LYPD5: variants seen among roughly 807,000 people sequenced by gnomAD.
LYPD5 encodes ly6/PLAUR domain-containing protein 5.
In LYPD5, 21 loss-of-function variants were observed where a neutral mutation model predicts 19.1. The ratio of observed to expected loss-of-function variants is 1.10; its 90% CI spans 0.78 to 1.58. LYPD5 has a LOEUF of 1.58. Ranked by LOEUF, LYPD5 falls within the 40% of genes most tolerant of loss-of-function variation. The pLI is 0.00. For synonymous variants in LYPD5, 128 were observed against 142.7 expected, an observed-to-expected ratio of 0.90 and a Z score of 0.74; for missense variants, 287 against 329.8, an observed-to-expected ratio of 0.87 and a Z score of 1.00.
At chr19:43,804,791 G>A (rs1473393355), upstream of LYPD5, among the ~76,000 whole-genome samples, 2 of 152,190 alleles carry the variant, frequency 1.3e-5, no homozygotes, top group Non-Finnish European at 2.9e-5. Flanking sequence ...TCTCTGGAGA[G>A]TGGAGTCTGG....
intron 1 of LYPD5, among the ~76,000 whole-genome samples, chr19:43,809,694 G>T (rs1185442851): frequency 6.6e-6 from 1 of 152,162 alleles, no homozygotes; most frequent in Non-Finnish European, 1.5e-5. Context: ...GCCTGGCCAG[G>T]ACTTGTAGAT....
At chr19:43,815,827 T>A (rs887634278) in intron 1 of LYPD5, 6 of 343,606 alleles carry the variant, frequency 1.7e-5, no homozygotes, top group African/African-American at 8.7e-5. Flanking sequence ...AACCTCTGCT[T>A]CCCGACTTCA....
At chr19:43,802,207 A>AGACCCAGGAGTCCAGGACCCCAG (rs1290801318) in intron 1 of LYPD5, 110 bp downstream of exon 1, 1 of 635,786 alleles carries the variant, frequency 1.6e-6, no homozygotes, top group Non-Finnish European at 2.5e-6. Flanking sequence ...CAGGCCCCCA[A>AGACCCAGGAGTCCAGGACCCCAG]CCCCTCCTCC....
At chr19:43,816,288 C>T (rs1430049449) in intron 1 of LYPD5, among the ~76,000 whole-genome samples, 1 of 152,186 alleles carries the variant, frequency 6.6e-6, no homozygotes, top group East Asian at 1.9e-4. Flanking sequence ...CTTTCTGTCA[C>T]TCATTTGCAT....
At chr19:43,815,431 G>A (rs1228078429) in intron 1 of LYPD5, among the ~76,000 whole-genome samples, 5 of 151,918 alleles carry the variant, frequency 3.3e-5, no homozygotes, top group Admixed American at 3.3e-4. Context: ...AAAACTAGCT[G>A]TGCACGGTGG....
chr19:43,820,582 C>G (rs1459496246), exon 1 of LYPD5: 2 of 152,398 alleles, frequency 1.3e-5, no homozygotes, highest in Non-Finnish European at 2.9e-5. Context: ...GCCCTCTGCG[C>G]CTCGCCCTGC....
chr19:43,799,466 A>G (rs530029675), intron 2 of LYPD5, among the ~76,000 whole-genome samples: 1 of 152,194 alleles, frequency 6.6e-6, no homozygotes, highest in South Asian at 2.1e-4. Context: ...GCTGGTCTCA[A>G]ACTTCTGACC....
chr19:43,809,165 G>A (rs55714090), intron 1 of LYPD5, among the ~76,000 whole-genome samples: 12,874 of 142,360 alleles, frequency 0.09, 593 homozygotes, highest in Middle Eastern at 0.14. Context: ...TCAGCCTCCC[G>A]AGTAGCTGGG....
intron 2 of LYPD5, 46 bp downstream of exon 2, chr19:43,799,660 T>C (rs376561592): frequency 6.4e-7 from 1 of 1,569,882 alleles, no homozygotes; most frequent in East Asian, 2.3e-5. Context: ...TCCCCCCTTT[T>C]TCCTCCCTAA....
intron 2 of LYPD5, 142 bp downstream of exon 2, chr19:43,799,564 T>C (rs1970193522): frequency 2.1e-6 from 2 of 975,068 alleles, no homozygotes; most frequent in Non-Finnish European, 3.0e-6. Context: ...TTTCTTTTTC[T>C]TCCTCCTCTT....
At chr19:43,801,194 T>C (rs1970219658) in intron 1 of LYPD5, among the ~76,000 whole-genome samples, 1 of 152,020 alleles carries the variant, frequency 6.6e-6, no homozygotes, top group Non-Finnish European at 1.5e-5. Flanking sequence ...TACACCTTAG[T>C]GTGGGCAACA....
At chr19:43,814,731 C>A (rs921951939) in intron 1 of LYPD5, among the ~76,000 whole-genome samples, 12 of 152,164 alleles carry the variant, frequency 7.9e-5, no homozygotes, top group African/African-American at 2.9e-4. Context: ...ATTAAAGGAA[C>A]AACATAGCTG....
rs760239981 is a variant in LYPD5, at chr19:43,799,799, T to C, written c.100A>G (p.Thr34Ala). 2.5e-6 allele frequency: 4 copies of C among 1,613,684 alleles called. No individual in the cohort carries two copies. In the South Asian group the frequency reaches 3.3e-5, roughly 13 times the overall value. ...QALQCYSFEH[T>A]YFGPFDLRAM... ...CTGAGGTCAAAGGGGCCAAAGTAGG[T>C]GTGCTCAAAGCTGTAGCACTGCAGG... The change falls in exon 2 of 5, where the codon ACC (threonine) becomes GCC (alanine). Residue 34 changes from threonine to alanine, a missense_variant. By Grantham distance (58) the Thr-to-Ala change is moderately conservative. Transcript: ENST00000377950.
At chr19:43,812,171 A>T (rs1318012112) in intron 1 of LYPD5, among the ~76,000 whole-genome samples, 1 of 152,212 alleles carries the variant, frequency 6.6e-6, no homozygotes. Flanking sequence ...AAAAAAGAGC[A>T]ACCCCTAATA....
At chr19:43,819,373 C>T (rs560733619) in intron 1 of LYPD5, among the ~76,000 whole-genome samples, 2 of 151,186 alleles carry the variant, frequency 1.3e-5, no homozygotes, top group Admixed American at 6.6e-5. Context: ...CAATCTCCAC[C>T]CCCAGGGTTC....
intron 2 of LYPD5, chr19:43,799,213 T>G: frequency 1.7e-6 from 1 of 576,268 alleles, no homozygotes; most frequent in Non-Finnish European, 3.0e-6. Context: ...TCCCCATTGT[T>G]TCCTCCCCTC....
chr19:43,817,211 T>G (rs1358413676), intron 1 of LYPD5, among the ~76,000 whole-genome samples: 2 of 152,114 alleles, frequency 1.3e-5, no homozygotes, highest in East Asian at 3.8e-4. Context: ...TTCTAATGGT[T>G]GGTTGGTTAT....
rs191381845 is a variant in LYPD5 at position 43,802,374 on chromosome 19, T to C, written c.7A>G (p.Met3Val). Residue 3 changes from methionine to valine, a missense_variant, in exon 1 of 5, where the codon ATG (methionine) becomes GTG (valine). Transcript: ENST00000377950. ...AGCAGAATGACTCTGGGGACCCCCA[T>C]TGCCATTGCTGAGCTGGGCCACCTG... Reference protein sequence around the residue: MAMGVPRVILLCL... With the variant: MAVGVPRVILLCL... 4.3e-5 allele frequency: 66 copies of C among 1,551,634 alleles called. No homozygotes were observed. In the African/African-American group the frequency reaches 8.2e-4, roughly 19 times the overall value.
chr19:43,802,313 G>C lies in LYPD5; in HGVS notation c.64+4C>G, dbSNP rs1008509342. 9.0e-6 allele frequency: 14 copies of C among 1,551,258 alleles called. No individual in the cohort carries two copies. The highest frequency in any genetic ancestry group is 1.2e-5 in the Non-Finnish European group (14 of 1,146,752). On this transcript the variant is annotated splice_donor_region_variant and intron_variant, in intron 1 of 4. Coordinates refer to ENST00000377950, the MANE Select transcript of LYPD5 (RefSeq NM_001031749.3). ...CTCACTACTGGATTCAGAAGTTTGC[G>C]TACCTGTCAGGCAGAGCGCAGCCCC...
Sources: gnomAD v4.1 joint callset for allele counts (sites outside exome capture counted in the v4.1 genomes callset) on GRCh38, gnomAD v4.1.1 for gene constraint, MANE v1.5 for transcripts, NCBI Gene and HGNC (gene_info 2026-07-23, HGNC 2026-07-21) for gene names.